The following ATRNL1 variants were observed in gnomAD, a reference collection of about 807,000 sequenced individuals.
The protein encoded by ATRNL1 is attractin-like protein 1.
Under a neutral mutation model 182.7 loss-of-function variants are expected in ATRNL1, and 95 were observed. The ratio of observed to expected loss-of-function variants is 0.52; its 90% CI spans 0.44 to 0.62. The LOEUF (loss-of-function observed/expected upper bound fraction) is 0.62. Among genes scored for constraint, ATRNL1 ranks in the 20% least tolerant of loss-of-function variants. The probability of loss-of-function intolerance (pLI) is 0.00; values close to 1 mark genes in which losing one functional copy is unlikely to be tolerated. For synonymous variants in ATRNL1, 576 were observed against 568.3 expected (o/e 1.01, Z -0.19); for missense variants, 1,471 against 1,679.5 (o/e 0.88, Z 2.17).
chr10:115,705,905 T>C (rs1230386579), intron 26 of ATRNL1, among the ~76,000 whole-genome samples: 1 of 151,994 alleles, frequency 6.6e-6, no homozygotes, highest in Non-Finnish European at 1.5e-5. Context: ...CATTACTTAT[T>C]GACAGACATG....
chr10:115,930,353 G>A (rs781958885), intron 28 of ATRNL1, among the ~76,000 whole-genome samples: 34 of 152,120 alleles, frequency 2.2e-4, no homozygotes, highest in African/African-American at 6.7e-4. Flanking sequence ...TCTTCAGGTC[G>A]GATCATAAGC....
chr10:115,446,773 A>G (rs1554966780), intron 21 of ATRNL1, among the ~76,000 whole-genome samples: 1 of 152,034 alleles, frequency 6.6e-6, no homozygotes, highest in Non-Finnish European at 1.5e-5. Flanking sequence ...AGTGTAAATA[A>G]GAGAGGTCTT....
intron 26 of ATRNL1, among the ~76,000 whole-genome samples, chr10:115,720,069 G>T (rs1247863424): frequency 2.0e-5 from 3 of 151,988 alleles, no homozygotes; most frequent in Non-Finnish European, 4.4e-5. Flanking sequence ...CGTCATGTTG[G>T]CTAGGCTGGC....
At chr10:115,880,203 A>C (rs1951795327) in intron 28 of ATRNL1, among the ~76,000 whole-genome samples, 1 of 152,214 alleles carries the variant, frequency 6.6e-6, no homozygotes, top group Admixed American at 6.5e-5. Context: ...GCTCTAACTG[A>C]AAAGCCTGCT....
chr10:115,580,080 T>C (rs1854975437), intron 26 of ATRNL1, among the ~76,000 whole-genome samples: 1 of 152,096 alleles, frequency 6.6e-6, no homozygotes, highest in South Asian at 2.1e-4. Context: ...AATTTAGTTA[T>C]AGTTGTATTT....
chr10:115,658,595 G>A (rs941807611), intron 26 of ATRNL1, among the ~76,000 whole-genome samples: 2 of 152,068 alleles, frequency 1.3e-5, no homozygotes, highest in African/African-American at 4.8e-5. Flanking sequence ...GAGAGTTCCA[G>A]GGGGTATAGT....
At chr10:115,358,348 T>TTA (rs1856593641) in intron 19 of ATRNL1, among the ~76,000 whole-genome samples, 1 of 151,712 alleles carries the variant, frequency 6.6e-6, no homozygotes, top group South Asian at 2.1e-4. Context: ...TAAAGCTCCT[T>TTA]TATAAGGCTT....
At chr10:115,443,072 T>C (rs1217546690) in intron 21 of ATRNL1, among the ~76,000 whole-genome samples, 2 of 152,044 alleles carry the variant, frequency 1.3e-5, no homozygotes, top group African/African-American at 2.4e-5. Context: ...GAGATTTTTA[T>C]TAGTTTGCTA....
intron 26 of ATRNL1, among the ~76,000 whole-genome samples, chr10:115,594,008 A>G (rs782759092): frequency 6.6e-6 from 1 of 152,080 alleles, no homozygotes; most frequent in Non-Finnish European, 1.5e-5. Context: ...ACATATTATT[A>G]GGTCAGTAAG....
intron 17 of ATRNL1, among the ~76,000 whole-genome samples, chr10:115,303,194 A>G (rs1853565035): frequency 6.7e-6 from 1 of 149,158 alleles, no homozygotes; most frequent in South Asian, 2.1e-4. Flanking sequence ...AAGCTGCAGA[A>G]TCACCTGAGA....
At chr10:115,762,910 CTTAAG>C (rs1331903046) in intron 27 of ATRNL1, among the ~76,000 whole-genome samples, 4 of 151,868 alleles carry the variant, frequency 2.6e-5, no homozygotes, top group South Asian at 2.1e-4. Context: ...AATGTTCTTT[CTTAAG>C]TTAAATAAAA....
chr10:115,413,838 G>A (rs1845257905), intron 20 of ATRNL1, among the ~76,000 whole-genome samples: 1 of 152,020 alleles, frequency 6.6e-6, no homozygotes. Flanking sequence ...TGCTAGGTAT[G>A]CTTTTTGCTC....
rs17093763 is a variant in ATRNL1 at position 115,906,681 on chromosome 10, G to A, written c.4019-37977G>A. On this transcript the variant is annotated intron_variant, in intron 28 of 28. Coordinates refer to ENST00000355044, the MANE Select transcript of ATRNL1 (RefSeq NM_207303.4). ...ATTGACTACTTTCTTCAAAGTTTTC[G>A]TATTACTTTATTCATACCTGGGTTC... Among the ~76,000 whole-genome samples the A allele has an allele frequency of 7.6e-3, 1,160 of 152,036 alleles. 14 individuals are homozygous for A. Among genetic ancestry groups the A allele is most frequent in the African/African-American group, 0.025 (1,055 of 41,470 alleles).
intron 26 of ATRNL1, among the ~76,000 whole-genome samples, chr10:115,700,131 T>A (rs181214765): frequency 6.6e-6 from 1 of 152,324 alleles, no homozygotes; most frequent in Admixed American, 6.5e-5. Context: ...CCATTGTGAA[T>A]TGTACTGGAA....
At chr10:115,723,579 G>A (rs10885792) in intron 26 of ATRNL1, among the ~76,000 whole-genome samples, 55,536 of 150,908 alleles carry the variant, frequency 0.37, 10,986 homozygotes, top group Admixed American at 0.54. Flanking sequence ...ACGGAGTTTC[G>A]CTCTTGTTAC....
chr10:115,252,744 G>A (rs553672839), intron 10 of ATRNL1, among the ~76,000 whole-genome samples: 3 of 152,260 alleles, frequency 2.0e-5, no homozygotes, highest in Non-Finnish European at 4.4e-5. Context: ...GAGACCCTCT[G>A]GCTTTATCAG....
At chr10:115,639,353 C>A (rs552028721) in intron 26 of ATRNL1, among the ~76,000 whole-genome samples, 1 of 152,166 alleles carries the variant, frequency 6.6e-6, no homozygotes, top group Non-Finnish European at 1.5e-5. Context: ...AAACTAAAAT[C>A]ATTTATCTGC....
intron 28 of ATRNL1, among the ~76,000 whole-genome samples, chr10:115,889,845 T>G (rs1289896549): frequency 3.3e-5 from 5 of 152,174 alleles, no homozygotes; most frequent in African/African-American, 1.2e-4. Flanking sequence ...GGAAATAGAC[T>G]CTAAGGAAAC....
At chr10:115,135,354 C>CA (rs1554876362) in intron 5 of ATRNL1, among the ~76,000 whole-genome samples, 2 of 152,178 alleles carry the variant, frequency 1.3e-5, no homozygotes, top group Non-Finnish European at 2.9e-5. Flanking sequence ...GATACAAAAT[C>CA]ATGTGCAAAA....
Sources: allele counts gnomAD v4.1 joint callset (sites outside exome capture counted in the v4.1 genomes callset), GRCh38; gene constraint gnomAD v4.1.1; transcripts MANE v1.5; gene names NCBI Gene and HGNC (gene_info 2026-07-23, HGNC 2026-07-21).